The following PTPN14 variants were observed in gnomAD, a reference collection of about 807,000 sequenced individuals.
PTPN14 encodes the protein tyrosine-protein phosphatase non-receptor type 14.
In PTPN14, 53 loss-of-function variants were observed where a neutral mutation model predicts 126.8. The observed-to-expected ratio is 0.42, with a 90% confidence interval of 0.34 to 0.53. The LOEUF (loss-of-function observed/expected upper bound fraction) is 0.53, where lower values mean the gene tolerates loss of function less well. Ranked by LOEUF, PTPN14 falls within the 20% of genes least tolerant of loss-of-function variation. The pLI is 0.08. For synonymous variants in PTPN14, 630 were observed against 599.3 expected (o/e 1.05, Z -0.75); for missense variants, 1,257 against 1,552.9 (o/e 0.81, Z 3.20).
intron 1 of PTPN14, among the ~76,000 whole-genome samples, chr1:214,490,857 AGGGAGGGGAGGGGAG>A (rs1236400018): frequency 1.6e-3 from 18 of 11,298 alleles, no homozygotes; most frequent in South Asian, 4.6e-3. Flanking sequence ...AAGGAAGGGA[AGGGAGGGGAGGGGAG>A]GGGAGGGGAG....
chr1:214,527,776 G>C (rs1270003060), intron 1 of PTPN14, among the ~76,000 whole-genome samples: 2 of 152,160 alleles, frequency 1.3e-5, no homozygotes, highest in Non-Finnish European at 2.9e-5. Flanking sequence ...AGAGAAAGTA[G>C]GTAAGCTGAA....
intron 18 of PTPN14, among the ~76,000 whole-genome samples, chr1:214,362,497 C>T (rs1657979236): frequency 6.6e-6 from 1 of 152,240 alleles, no homozygotes; most frequent in Non-Finnish European, 1.5e-5. Flanking sequence ...TGGCCGAATC[C>T]CTTACTCCAA....
intron 5 of PTPN14, among the ~76,000 whole-genome samples, chr1:214,406,467 CGAGATTGTCT>C (rs1659173512): frequency 7.0e-6 from 1 of 142,070 alleles, no homozygotes; most frequent in Non-Finnish European, 1.5e-5. Context: ...GGTGACAGAG[CGAGATTGTCT>C]GAAAAAAAAA....
At chr1:214,416,197 C>T (rs1157386455) in intron 3 of PTPN14, among the ~76,000 whole-genome samples, 1 of 152,190 alleles carries the variant, frequency 6.6e-6, no homozygotes, top group Non-Finnish European at 1.5e-5. Context: ...TACAAGGATG[C>T]ACATATCTTT....
At chr1:214,475,244 C>G (rs191574851) in intron 1 of PTPN14, among the ~76,000 whole-genome samples, 1 of 152,274 alleles carries the variant, frequency 6.6e-6, no homozygotes, top group Admixed American at 6.5e-5. Context: ...TCAGAATTTT[C>G]CCTCCAAACT....
chr1:214,397,003 C>G (rs1658894436), intron 8 of PTPN14, among the ~76,000 whole-genome samples: 1 of 152,206 alleles, frequency 6.6e-6, no homozygotes, highest in Admixed American at 6.5e-5. Context: ...TCTCTTGTCA[C>G]TCCTGCTTCA....
At chr1:214,504,341 G>A (rs552734134) in intron 1 of PTPN14, among the ~76,000 whole-genome samples, 1 of 152,046 alleles carries the variant, frequency 6.6e-6, no homozygotes, top group Non-Finnish European at 1.5e-5. Flanking sequence ...ATGGGCAGCT[G>A]CCTCAAACAC....
In PTPN14 at chr1:214,364,750, A is replaced by G; in HGVS notation, c.3272-75T>C. On this transcript the variant is annotated intron_variant, in intron 17 of 18. Transcript: ENST00000366956. The surrounding 1 kb of genome is among the most constrained non-coding windows in gnomAD (Gnocchi z 4.1). ...ATGTAAGTTGGGGAGGGGGGAGCGG[A>G]AGAGAACTGATGGTGAGTGTGTGTG... 7.8e-7 allele frequency: 1 copy of G among 1,284,456 alleles called. No homozygotes were observed. The highest frequency in any genetic ancestry group is 1.1e-6 in the Non-Finnish European group (1 of 939,406). The allele number at this position is 1,284,456 out of a possible 1,614,324, so 79.6% of individuals were successfully genotyped here.
chr1:214,432,097 T>C (rs1659809684), intron 3 of PTPN14, among the ~76,000 whole-genome samples: 1 of 151,614 alleles, frequency 6.6e-6, no homozygotes, highest in Non-Finnish European at 1.5e-5. Context: ...GGTAGGAGGA[T>C]CTCCTGGGCC....
At chr1:214,454,306 A>G (rs900412435) in intron 2 of PTPN14, among the ~76,000 whole-genome samples, 5 of 152,184 alleles carry the variant, frequency 3.3e-5, no homozygotes, top group Non-Finnish European at 4.4e-5. Context: ...ACTTCATTCA[A>G]ATTAGTAATA....
At chr1:214,434,032 T>C (rs1659857709) in intron 3 of PTPN14, among the ~76,000 whole-genome samples, 4 of 150,586 alleles carry the variant, frequency 2.7e-5, no homozygotes, top group Admixed American at 2.7e-4. Flanking sequence ...CTTGGGAGGC[T>C]GAGGTGGGAG....
At chr1:214,368,481 G>A (rs1236280986) in intron 17 of PTPN14, among the ~76,000 whole-genome samples, 1 of 152,120 alleles carries the variant, frequency 6.6e-6, no homozygotes, top group Non-Finnish European at 1.5e-5. Context: ...GATTATAGGT[G>A]TGAGCCACCA....
chr1:214,384,593 A>G lies in PTPN14; in HGVS notation c.1262T>C (p.Met421Thr), dbSNP rs771815955. ...SNLSIPGSDI[M>T]RADYIPSHRH... Reference sequence around the variant, plus strand: ...GTGGCTCGGGATGTAGTCGGCCCGCATGATGTCACTCCCAGGGATACTGAG... The same window carrying G: ...GTGGCTCGGGATGTAGTCGGCCCGCGTGATGTCACTCCCAGGGATACTGAG... The change falls in exon 13 of 19, where the codon ATG becomes ACG. Residue 421 changes from methionine to threonine, a missense_variant. This residue lies in a region of PTPN14 where 1,021 missense variants were observed against 1,183.3 expected (regional missense o/e 0.86). Transcript: ENST00000366956. The surrounding 1 kb of genome is among the most constrained non-coding windows in gnomAD (Gnocchi z 5.3). The G allele has an allele frequency of 1.9e-6, 3 of 1,614,022 alleles. No homozygotes were observed. Among genetic ancestry groups the G allele is most frequent in the South Asian group, 1.1e-5 (1 of 91,078 alleles).
chr1:214,462,036 C>A (rs1018466589), intron 2 of PTPN14, among the ~76,000 whole-genome samples: 16 of 152,102 alleles, frequency 1.1e-4, no homozygotes, highest in Admixed American at 2.6e-4. Flanking sequence ...TCTATCTGAT[C>A]CTTTAATTCA....
At chr1:214,454,127 T>A (rs973118255) in intron 2 of PTPN14, among the ~76,000 whole-genome samples, 6 of 152,170 alleles carry the variant, frequency 3.9e-5, no homozygotes, top group Non-Finnish European at 8.8e-5. Context: ...TTATGTAATA[T>A]ATGTAATTAA....
At chr1:214,470,564 C>T (rs1043033117) in intron 1 of PTPN14, among the ~76,000 whole-genome samples, 1 of 152,068 alleles carries the variant, frequency 6.6e-6, no homozygotes, top group African/African-American at 2.4e-5. Context: ...GAGTGGATCA[C>T]TTGAGATCAG....
chr1:214,401,667 C>G lies in PTPN14; in HGVS notation c.669+18G>C, dbSNP rs1322015292. ...CGGTCTGAGAAGGTTAAAGCCAGCA[C>G]AGGGCACAGCATATTACCTTTACAG... is the stretch of plus-strand genomic sequence containing the variant. On this transcript the variant is annotated intron_variant, in intron 7 of 18. Transcript: ENST00000366956. 2.0e-6 allele frequency: 3 copies of G among 1,523,586 alleles called. No homozygotes were observed. Among genetic ancestry groups the G allele is most frequent in the Middle Eastern group, 1.7e-4 (1 of 5,878 alleles). The allele number at this position is 1,523,586 out of a possible 1,614,324, so 94.4% of individuals were successfully genotyped here.
chr1:214,536,465 A>G (rs1319140127), intron 1 of PTPN14, among the ~76,000 whole-genome samples: 1 of 152,152 alleles, frequency 6.6e-6, no homozygotes, highest in Non-Finnish European at 1.5e-5. Flanking sequence ...TATCAATTGT[A>G]AAGATACTAC....
chr1:214,433,227 T>C (rs1659833539), intron 3 of PTPN14, among the ~76,000 whole-genome samples: 1 of 151,970 alleles, frequency 6.6e-6, no homozygotes, highest in South Asian at 2.1e-4. Flanking sequence ...TCTGTGCATA[T>C]GTTATATTTC....
Sources: allele counts gnomAD v4.1 joint callset (sites outside exome capture counted in the v4.1 genomes callset), GRCh38; gene constraint gnomAD v4.1.1; regional missense constraint gnomAD v4.1.1; non-coding constraint Gnocchi (gnomAD v3.1); transcripts MANE v1.5; gene names NCBI Gene and HGNC (gene_info 2026-07-23, HGNC 2026-07-21).